The following SPON1 variants were observed in gnomAD, a reference collection of about 807,000 sequenced individuals.
SPON1 encodes the protein spondin-1.
Under a neutral mutation model 111.7 loss-of-function variants are expected in SPON1, and 52 were observed. That is an observed-to-expected ratio of 0.47 (90% CI 0.37 to 0.59). The LOEUF (loss-of-function observed/expected upper bound fraction) is 0.59, where lower values mean the gene tolerates loss of function less well. Among genes scored for constraint, SPON1 ranks in the 20% least tolerant of loss-of-function variants. The pLI is 0.00. For synonymous variants in SPON1, 410 were observed against 395.8 expected (o/e 1.04, Z -0.43); for missense variants, 957 against 1,068.5 (o/e 0.90, Z 1.46).
chr11:14,217,846 A>G (rs1277691825), intron 6 of SPON1, among the ~76,000 whole-genome samples: 1 of 152,262 alleles, frequency 6.6e-6, no homozygotes, highest in Non-Finnish European at 1.5e-5. Context: ...GCCTAATAGT[A>G]TTTGTAACTA....
At chr11:14,120,834 T>C (rs1175318662) in intron 5 of SPON1, among the ~76,000 whole-genome samples, 5 of 152,186 alleles carry the variant, frequency 3.3e-5, no homozygotes, top group South Asian at 2.1e-4. Context: ...ATCACAACCA[T>C]AGAAGATAGG....
At chr11:14,000,683 C>T (rs181462204) in intron 2 of SPON1, among the ~76,000 whole-genome samples, 5 of 152,196 alleles carry the variant, frequency 3.3e-5, no homozygotes, top group Admixed American at 2.6e-4. Flanking sequence ...CTGACACCCT[C>T]AGGACTTCTT....
intron 5 of SPON1, among the ~76,000 whole-genome samples, chr11:14,100,532 AT>A (rs1849135397): frequency 6.6e-6 from 1 of 151,994 alleles, no homozygotes; most frequent in South Asian, 2.1e-4. Flanking sequence ...TCTCTGTTGA[AT>A]TCATAAACAA....
At chr11:14,206,703 A>G (rs1025541206) in intron 6 of SPON1, among the ~76,000 whole-genome samples, 31 of 152,224 alleles carry the variant, frequency 2.0e-4, no homozygotes, top group African/African-American at 5.5e-4. Flanking sequence ...TACAAGGATA[A>G]CTACAAAATA....
chr11:14,211,811 G>A (rs1848579714), intron 6 of SPON1, among the ~76,000 whole-genome samples: 1 of 152,108 alleles, frequency 6.6e-6, no homozygotes, highest in Middle Eastern at 3.4e-3. Flanking sequence ...TTAGTTCCAG[G>A]TGTACAGCAA....
intron 6 of SPON1, among the ~76,000 whole-genome samples, chr11:14,150,891 A>T (rs1847779826): frequency 1.3e-5 from 2 of 152,160 alleles, no homozygotes; most frequent in South Asian, 2.1e-4. Flanking sequence ...TTCTCAGTAG[A>T]TGCTAAAATT....
chr11:14,197,111 G>T (rs1472861063), intron 6 of SPON1, among the ~76,000 whole-genome samples: 1 of 152,058 alleles, frequency 6.6e-6, no homozygotes, highest in African/African-American at 2.4e-5. Flanking sequence ...TCTAGCTCAG[G>T]GCTGGTCACA....
intron 7 of SPON1, among the ~76,000 whole-genome samples, chr11:14,252,023 G>A (rs1348613166): frequency 6.6e-6 from 1 of 152,260 alleles, no homozygotes; most frequent in African/African-American, 2.4e-5. Context: ...CTGCAGGTAT[G>A]TATTGCTAGA....
chr11:13,971,668 G>A (rs1167874934), intron 1 of SPON1, among the ~76,000 whole-genome samples: 4 of 151,990 alleles, frequency 2.6e-5, no homozygotes, highest in African/African-American at 4.8e-5. Flanking sequence ...CTTTTCCTAT[G>A]AGCATGCTTC....
At chr11:14,012,886 C>A (rs1848416746) in intron 2 of SPON1, among the ~76,000 whole-genome samples, 1 of 152,184 alleles carries the variant, frequency 6.6e-6, no homozygotes, top group African/African-American at 2.4e-5. Context: ...AGGATGGCTA[C>A]ATTTTTTGCC....
At chr11:14,198,457 T>C (rs1848425932) in intron 6 of SPON1, among the ~76,000 whole-genome samples, 1 of 152,176 alleles carries the variant, frequency 6.6e-6, no homozygotes, top group Non-Finnish European at 1.5e-5. Flanking sequence ...ACCAGCTTGG[T>C]TTGTTGCTAT....
intron 6 of SPON1, among the ~76,000 whole-genome samples, chr11:14,192,781 G>C (rs1029252072): frequency 6.6e-6 from 1 of 150,734 alleles, no homozygotes; most frequent in Non-Finnish European, 1.5e-5. Flanking sequence ...GGGACAGGAA[G>C]TTGTGCCCGG....
intron 2 of SPON1, among the ~76,000 whole-genome samples, chr11:14,041,223 G>T (rs1173385939): frequency 6.6e-6 from 1 of 152,162 alleles, no homozygotes; most frequent in Non-Finnish European, 1.5e-5. Flanking sequence ...TGGGACACAG[G>T]TCGTTCTATT....
intron 6 of SPON1, among the ~76,000 whole-genome samples, chr11:14,200,603 G>A (rs1241388393): frequency 6.6e-6 from 1 of 151,792 alleles, no homozygotes; most frequent in Non-Finnish European, 1.5e-5. Context: ...ATTACTTGGG[G>A]CCAGGTTTGA....
rs1554938627 is a variant in SPON1, at chr11:14,230,793, TTC to T, written c.826-12538_826-12537del. ...CTTCCTTCCTTCCTTCCTTCATTTTTTCGTGGTGGTGGTGAGACAGGGTCTCA... is the reference window on the plus strand; with the variant it reads ...CTTCCTTCCTTCCTTCCTTCATTTTTGTGGTGGTGGTGAGACAGGGTCTCA... On this transcript the variant is annotated intron_variant, in intron 6 of 15. Coordinates refer to ENST00000576479, the MANE Select transcript of SPON1 (RefSeq NM_006108.4). 3.9e-5 allele frequency among the ~76,000 whole-genome samples: 6 copies of T among 152,182 alleles called. No homozygotes were observed. In the South Asian group the frequency reaches 8.3e-4, roughly 21 times the overall value.
chr11:14,127,908 A>T (rs1049794504), intron 5 of SPON1, among the ~76,000 whole-genome samples: 3 of 152,224 alleles, frequency 2.0e-5, no homozygotes, highest in African/African-American at 4.8e-5. Context: ...AGAGAGCAAG[A>T]GTAAAGGGGA....
intron 2 of SPON1, among the ~76,000 whole-genome samples, chr11:14,030,268 G>C (rs150056087): frequency 6.6e-6 from 1 of 152,330 alleles, no homozygotes; most frequent in East Asian, 1.9e-4. Flanking sequence ...TGCCCAGGGC[G>C]CCTACGCATC....
intron 6 of SPON1, among the ~76,000 whole-genome samples, chr11:14,195,214 CAG>C (rs1848388017): frequency 6.6e-6 from 1 of 152,176 alleles, no homozygotes; most frequent in African/African-American, 2.4e-5. Context: ...AAATGCTATG[CAG>C]AGTTCAGAAA....
chr11:13,968,742 G>A (rs1235516852), intron 1 of SPON1, among the ~76,000 whole-genome samples: 5 of 152,088 alleles, frequency 3.3e-5, no homozygotes, highest in Admixed American at 2.6e-4. Flanking sequence ...GGGGGGAGAG[G>A]AAGTAGAGGA....
Sources: allele counts gnomAD v4.1 joint callset (sites outside exome capture counted in the v4.1 genomes callset), GRCh38; gene constraint gnomAD v4.1.1; transcripts MANE v1.5; gene names NCBI Gene and HGNC (gene_info 2026-07-23, HGNC 2026-07-21).